CHN1: variants seen among roughly 807,000 people sequenced by gnomAD.
CHN1 encodes chimerin 1.
In CHN1, 37 loss-of-function variants were observed where a neutral mutation model predicts 59.5. The observed-to-expected ratio is 0.62, with a 90% confidence interval of 0.48 to 0.82. The LOEUF (loss-of-function observed/expected upper bound fraction) is 0.82, where lower values mean the gene tolerates loss of function less well. CHN1 is among the 40% of genes least tolerant of loss of function. The pLI, the probability that CHN1 is intolerant of heterozygous loss-of-function variation, is 0.00. For missense variants in CHN1, 469 were observed against 571.0 expected, an observed-to-expected ratio of 0.82 and a Z score of 1.82; for synonymous variants, 206 against 200.4, an observed-to-expected ratio of 1.03 and a Z score of -0.24.
At chr2:174,895,027 G>C (rs1459678630) in intron 5 of CHN1, among the ~76,000 whole-genome samples, 4 of 146,414 alleles carry the variant, frequency 2.7e-5, no homozygotes, top group Non-Finnish European at 4.4e-5. Context: ...GAAAAACATA[G>C]TATATACACA....
intron 1 of CHN1, among the ~76,000 whole-genome samples, chr2:174,976,915 G>A (rs1195477145): frequency 6.6e-6 from 1 of 152,104 alleles, no homozygotes; most frequent in Non-Finnish European, 1.5e-5. Context: ...CATCATAAAA[G>A]ATGAAAAAAT....
intron 6 of CHN1, among the ~76,000 whole-genome samples, chr2:174,871,406 G>A (rs976872906): frequency 6.6e-6 from 1 of 151,954 alleles, no homozygotes; most frequent in African/African-American, 2.4e-5. Context: ...CTCAGTCTCA[G>A]GAGTGATTTC....
At chr2:174,858,551 T>C (rs1050692301) in intron 6 of CHN1, among the ~76,000 whole-genome samples, 1 of 152,202 alleles carries the variant, frequency 6.6e-6, no homozygotes, top group South Asian at 2.1e-4. Flanking sequence ...GCTATACTTA[T>C]TGCACGTTTT....
At chr2:174,925,205 A>G (rs1348784387) in intron 3 of CHN1, among the ~76,000 whole-genome samples, 1 of 152,194 alleles carries the variant, frequency 6.6e-6, no homozygotes, top group Non-Finnish European at 1.5e-5. Flanking sequence ...GAGAGGTTGG[A>G]CAAGCCTCCT....
intron 5 of CHN1, among the ~76,000 whole-genome samples, chr2:174,892,123 A>G (rs529793258): frequency 6.6e-5 from 10 of 152,344 alleles, no homozygotes; most frequent in African/African-American, 2.4e-4. Flanking sequence ...CCCAATAAAG[A>G]AAAGGACAGG....
At chr2:174,906,463 G>T (rs181254934) in intron 5 of CHN1, among the ~76,000 whole-genome samples, 3 of 152,282 alleles carry the variant, frequency 2.0e-5, no homozygotes, top group South Asian at 4.1e-4. Flanking sequence ...GAAACAGAAA[G>T]TGAGGGCAAA....
At chr2:174,879,860 T>C (rs1378729) in intron 5 of CHN1, among the ~76,000 whole-genome samples, 71,758 of 151,960 alleles carry the variant, frequency 0.47, 17,769 homozygotes, top group African/African-American at 0.6. Context: ...CAAGCAATGG[T>C]GTCAGTCATT....
At chr2:174,926,914 C>A (rs532784382) in intron 3 of CHN1, among the ~76,000 whole-genome samples, 1 of 152,016 alleles carries the variant, frequency 6.6e-6, no homozygotes, top group Non-Finnish European at 1.5e-5. Context: ...CCCGCCACCA[C>A]GCCCAGCTAA....
At chr2:174,801,847 A>G (rs1310106286) in intron 11 of CHN1, 35 bp from the exon 12 acceptor site, 5 of 1,440,002 alleles carry the variant, frequency 3.5e-6, no homozygotes, top group Non-Finnish European at 4.9e-6. Context: ...GAAGAAAAGA[A>G]ATAACACAAA....
intron 5 of CHN1, among the ~76,000 whole-genome samples, chr2:174,880,523 A>G (rs1186388929): frequency 6.6e-6 from 1 of 152,176 alleles, no homozygotes. Context: ...TGCCCATTCT[A>G]CATAAGAAGA....
chr2:174,971,113 T>C (rs12616854), intron 1 of CHN1, among the ~76,000 whole-genome samples: 1 of 152,252 alleles, frequency 6.6e-6, no homozygotes, highest in South Asian at 2.1e-4. Flanking sequence ...GGTCAGGAGA[T>C]TGAGACCATC....
At chr2:174,924,914 T>C (rs185346405) in intron 3 of CHN1, among the ~76,000 whole-genome samples, 18 of 152,326 alleles carry the variant, frequency 1.2e-4, no homozygotes, top group Non-Finnish European at 2.4e-4. Flanking sequence ...AGATATGTTT[T>C]AAAATGAGTA....
Position 174,952,304 on chromosome 2 carries a change from G to GT in CHN1, c.20-103dup, listed in dbSNP as rs1374902772. On this transcript the variant is annotated intron_variant, in intron 1 of 12. Transcript: ENST00000409900. ...AATATATATCTGTTGAGATCTATTT[G>GT]TTCTAGGTATTGTGCTAGGCACTAA... 5 of 745,656 alleles carry GT rather than the reference G, an allele frequency of 6.7e-6. No homozygotes were observed. The African/African-American group carries it at 9.4e-5, about 14-fold the overall frequency. 46.2% of individuals were successfully genotyped at this position (745,656 alleles called of 1,614,324 possible).
At chr2:174,997,539 A>G (rs370473990) in intron 1 of CHN1, among the ~76,000 whole-genome samples, 3 of 152,320 alleles carry the variant, frequency 2.0e-5, no homozygotes, top group African/African-American at 7.2e-5. Flanking sequence ...TTAATAGTGT[A>G]AATTTCACTT....
At chr2:174,837,713 T>G (rs999600848) in intron 7 of CHN1, among the ~76,000 whole-genome samples, 3 of 152,198 alleles carry the variant, frequency 2.0e-5, no homozygotes, top group African/African-American at 7.2e-5. Flanking sequence ...AAAAAATCTA[T>G]TAGTATGTTG....
chr2:174,946,512 A>C (rs1186533420), intron 2 of CHN1, among the ~76,000 whole-genome samples: 1 of 152,180 alleles, frequency 6.6e-6, no homozygotes, highest in East Asian at 1.9e-4. Flanking sequence ...TCCCTAAGAG[A>C]GGTAATACAT....
At chr2:174,910,781 T>G (rs980215076) in intron 5 of CHN1, among the ~76,000 whole-genome samples, 4 of 151,550 alleles carry the variant, frequency 2.6e-5, no homozygotes, top group South Asian at 2.1e-4. Context: ...GCGCCTGTAG[T>G]CCCAGCTACT....
intron 1 of CHN1, among the ~76,000 whole-genome samples, chr2:174,993,512 T>A (rs142761646): frequency 6.6e-6 from 1 of 150,836 alleles, no homozygotes; most frequent in African/African-American, 2.4e-5. Flanking sequence ...AAAACAGACA[T>A]GTAGAAAGTG....
At chr2:174,915,332 T>G in intron 4 of CHN1, 161 bp from the exon 5 acceptor site, 1 of 619,854 alleles carries the variant, frequency 1.6e-6, no homozygotes. Context: ...CTTGTGTTTC[T>G]CTGGACCTGG....
Sources: gnomAD v4.1 joint callset for allele counts (sites outside exome capture counted in the v4.1 genomes callset) on GRCh38, gnomAD v4.1.1 for gene constraint, MANE v1.5 for transcripts, NCBI Gene and HGNC (gene_info 2026-07-23, HGNC 2026-07-21) for gene names.